Variants in IGSF9 observed in about 807,000 individuals in gnomAD.
The protein encoded by IGSF9 is protein turtle homolog A.
Under a neutral mutation model 121.7 loss-of-function variants are expected in IGSF9, and 87 were observed. The observed-to-expected ratio is 0.71, with a 90% CI of 0.60 to 0.85. The LOEUF (loss-of-function observed/expected upper bound fraction) is 0.85. IGSF9 is among the 40% of genes least tolerant of loss of function. IGSF9 has a pLI of 0.00. For missense variants in IGSF9, 1,462 were observed against 1,565.3 expected, an observed-to-expected ratio of 0.93 and a Z score of 1.11; for synonymous variants, 640 against 648.4, an observed-to-expected ratio of 0.99 and a Z score of 0.20.
chr1:159,936,285 G>A, intron 6 of IGSF9, 114 bp downstream of exon 6: 1 of 913,780 alleles, frequency 1.1e-6, no homozygotes, highest in Non-Finnish European at 1.8e-6. Flanking sequence ...GCTTCCACGG[G>A]CCCTGCCCTC....
chr1:159,943,316 T>C, intron 2 of IGSF9, 81 bp downstream of exon 2: 1 of 1,415,046 alleles, frequency 7.1e-7, no homozygotes, highest in Non-Finnish European at 9.4e-7. Flanking sequence ...CCTCACATGC[T>C]CAAAGAGGAA....
chr1:159,927,360 C>G lies in IGSF9; in HGVS notation c.3525G>C (p.Gln1175His), dbSNP rs1464178861. 1 of 1,613,792 alleles carries G rather than the reference C, an allele frequency of 6.2e-7. No individual in the cohort carries two copies. ...TCAGGGATGTTCACAGCAGAGTGGCCTGTTCGGGGTGGGGGACTGGCTGTC... is the reference window on the plus strand; with the variant it reads ...TCAGGGATGTTCACAGCAGAGTGGCGTGTTCGGGGTGGGGGACTGGCTGTC... ...AYRQPVPHPE[Q>H]ATLL Residue 1175 changes from glutamine (Q) to histidine (H), a missense_variant, in exon 21 of 21, where the codon CAG becomes CAC. By Grantham distance (24) the Gln-to-His change is conservative (BLOSUM62 0). Transcript: ENST00000368094.
chr1:159,937,469 T>C (rs575426469), intron 4 of IGSF9, among the ~76,000 whole-genome samples: 2 of 152,020 alleles, frequency 1.3e-5, no homozygotes, highest in Non-Finnish European at 2.9e-5. Flanking sequence ...AGAAGGCTGA[T>C]TGAATTTATA....
In IGSF9 at chr1:159,943,513, C is replaced by G. The variant is rs1289964674; in HGVS notation, c.-59G>C. On this transcript the variant is annotated 5_prime_UTR_variant, in exon 2 of 21. Transcript: ENST00000368094. The stretch of plus-strand genomic sequence containing the variant: ...TCCACAGGAGCCCAGATGGAGGGGC[C>G]AAGGGATGTCCTTCTGATCAGCTCA... 2.1e-6 allele frequency: 3 copies of G among 1,445,560 alleles called. No individual in the cohort carries two copies. Among genetic ancestry groups the G allele is most frequent in the Non-Finnish European group, 2.8e-6 (3 of 1,082,772 alleles). 89.5% of individuals were successfully genotyped at this position (1,445,560 alleles called of 1,614,324 possible).
intron 3 of IGSF9, 60 bp downstream of exon 3, chr1:159,942,903 C>T: frequency 6.7e-7 from 1 of 1,486,782 alleles, no homozygotes; most frequent in Non-Finnish European, 9.3e-7. Flanking sequence ...TTGTGCGACT[C>T]TACCCAGCCC....
intron 3 of IGSF9, among the ~76,000 whole-genome samples, chr1:159,940,872 C>G (rs1466615145): frequency 1.3e-5 from 2 of 152,148 alleles, no homozygotes; most frequent in Non-Finnish European, 2.9e-5. Context: ...AAAAGCCCAT[C>G]CTGCCATTTT....
chr1:159,943,257 A>G (rs1438474911), intron 2 of IGSF9, 106 bp from the exon 3 acceptor site: 74 of 1,301,918 alleles, frequency 5.7e-5, no homozygotes, highest in Non-Finnish European at 7.6e-5. Flanking sequence ...GGGTGACTGG[A>G]GAAACCCCCA....
intron 3 of IGSF9, among the ~76,000 whole-genome samples, chr1:159,940,698 G>T (rs1237889171): frequency 6.6e-6 from 1 of 152,220 alleles, no homozygotes; most frequent in South Asian, 2.1e-4. Context: ...ACTGGGCAGA[G>T]GATTAAGAAT....
chr1:159,928,895 C>T lies in IGSF9; in HGVS notation c.2493G>A (p.Pro831=). The change falls in exon 19 of 21, where the codon CCG becomes CCA. Residue 831 remains proline, a synonymous_variant. Coordinates refer to ENST00000368094, the MANE Select transcript of IGSF9 (RefSeq NM_001135050.2). ...GDPAGTPSPH[P]DPPSSRGPLP... ...AGGGTCCCCGGCTAGATGGAGGATC[C>T]GGGTGGGGGCTGGGAGTTCCGGCAG... 1 of 1,593,908 alleles carries T rather than the reference C, an allele frequency of 6.3e-7. No homozygotes were observed. The highest frequency in any genetic ancestry group is 8.5e-7 in the Non-Finnish European group (1 of 1,170,866).
At chr1:159,927,698 G>A (rs1650790614) in intron 20 of IGSF9, 62 bp downstream of exon 20, 2 of 1,590,790 alleles carry the variant, frequency 1.3e-6, no homozygotes, top group Non-Finnish European at 1.7e-6. Flanking sequence ...TGGGTCCTAA[G>A]GTGGCGGGGG....
chr1:159,930,963 T>C, intron 13 of IGSF9, 96 bp from the exon 14 acceptor site: 2 of 1,430,734 alleles, frequency 1.4e-6, no homozygotes, highest in South Asian at 1.4e-5. Context: ...TGCTCAACCA[T>C]CCAAGGTCTC....
intron 8 of IGSF9, 24 bp from the exon 9 acceptor site, chr1:159,934,356 G>A (rs770287673): frequency 1.9e-6 from 3 of 1,573,174 alleles, no homozygotes; most frequent in Non-Finnish European, 2.6e-6. Flanking sequence ...GTGGCAAGTT[G>A]GGGGAGAGGG....
Position 159,932,557 on chromosome 1 carries a change from A to G in IGSF9, c.1200T>C (p.Ser400=), listed in dbSNP as rs771986264. The part of the protein sequence containing the change: ...LGEYSCTPYN[S]LGTAGPSPVT... ...CAGGAGAGGGCCCGGCGGTACCAAG[A>G]CTGTTGTAGGGGGTGCAGGAGTATT... Residue 400 remains serine (S), a synonymous_variant, in exon 10 of 21, where the codon AGT becomes AGC. Transcript: ENST00000368094. The surrounding 1 kb of genome is among the most constrained non-coding windows in gnomAD (Gnocchi z 4.1). 4 of 1,613,786 alleles carry G rather than the reference A, an allele frequency of 2.5e-6. No individual in the cohort carries two copies. The highest frequency in any genetic ancestry group is 3.4e-6 in the Non-Finnish European group (4 of 1,179,912).
chr1:159,931,327 C>G lies in IGSF9; in HGVS notation c.1514-66G>C. The G allele has an allele frequency of 1.2e-6, 2 of 1,606,698 alleles. No homozygotes were observed. The highest frequency in any genetic ancestry group is 1.7e-6 in the Non-Finnish European group (2 of 1,174,996). Reference sequence around the variant, plus strand: ...GGGAGTGTACAGAGTAGCAGGGGCCCCAGGGCCACTGACCTTCACCCATCA... The same window carrying G: ...GGGAGTGTACAGAGTAGCAGGGGCCGCAGGGCCACTGACCTTCACCCATCA... On this transcript the variant is annotated intron_variant, in intron 12 of 20. Coordinates refer to ENST00000368094, the MANE Select transcript of IGSF9 (RefSeq NM_001135050.2). The surrounding 1 kb of genome is among the most constrained non-coding windows in gnomAD (Gnocchi z 4.8).
rs1293591483 is a variant in IGSF9 at position 159,928,904 on chromosome 1, G to A, written c.2484C>T (p.Ser828=). The part of the protein sequence containing the change: ...LLWGDPAGTP[S]PHPDPPSSRG... ...GGCTAGATGGAGGATCCGGGTGGGG[G>A]CTGGGAGTTCCGGCAGGATCCCCCC... Residue 828 remains serine, a synonymous_variant, in exon 19 of 21, where the codon AGC becomes AGT. Transcript: ENST00000368094. 3 of 1,592,272 alleles carry A rather than the reference G, an allele frequency of 1.9e-6. No individual in the cohort carries two copies. The highest frequency in any genetic ancestry group is 2.3e-5 in the East Asian group (1 of 44,328).
chr1:159,929,486 TC>T, intron 17 of IGSF9, 93 bp from the exon 18 acceptor site: 1 of 1,533,024 alleles, frequency 6.5e-7, no homozygotes, highest in Admixed American at 1.8e-5. Flanking sequence ...CCCAACCCCA[TC>T]CGGCTGGGAA....
intron 17 of IGSF9, 73 bp downstream of exon 17, chr1:159,929,564 TC>T: frequency 1.3e-6 from 2 of 1,515,458 alleles, no homozygotes; most frequent in Non-Finnish European, 1.8e-6. Flanking sequence ...CGAGGGCTTT[TC>T]CCCCAGGTAG....
Position 159,943,020 on chromosome 1 carries a change from G to A in IGSF9, c.190C>T (p.Leu64Phe). The change falls in exon 3 of 21, where the codon CTT becomes TTT. Residue 64 changes from leucine (L) to phenylalanine (F), a missense_variant. Leu to Phe is a conservative substitution (Grantham distance 22). Transcript: ENST00000368094. Reference protein sequence around the residue: ...VIEWLRFGFLLPIFIQFGLYS... With the variant: ...VIEWLRFGFLFPIFIQFGLYS... Reference sequence around the variant, plus strand: ...AGGCCGAACTGGATGAAGATGGGAAGCAGGAATCCAAAGCGCAGCCACTCG... The same window carrying A: ...AGGCCGAACTGGATGAAGATGGGAAACAGGAATCCAAAGCGCAGCCACTCG... 3.7e-6 allele frequency: 6 copies of A among 1,613,420 alleles called. No homozygotes were observed. The highest frequency in any genetic ancestry group is 5.1e-6 in the Non-Finnish European group (6 of 1,179,672).
chr1:159,941,057 A>G (rs1246439422), intron 3 of IGSF9, among the ~76,000 whole-genome samples: 1 of 152,088 alleles, frequency 6.6e-6, no homozygotes, highest in Admixed American at 6.5e-5. Context: ...AGCTTGTTTT[A>G]TATTGCTTTC....
Sources: gnomAD v4.1 joint callset for allele counts (sites outside exome capture counted in the v4.1 genomes callset) on GRCh38, gnomAD v4.1.1 for gene constraint, Gnocchi (gnomAD v3.1) non-coding constraint, MANE v1.5 for transcripts, NCBI Gene and HGNC (gene_info 2026-07-23, HGNC 2026-07-21) for gene names.